The following SLC16A3 variants were observed in gnomAD, a reference collection of about 807,000 sequenced individuals.
SLC16A3 encodes the protein monocarboxylate transporter 4.
Under a neutral mutation model 25.0 loss-of-function variants are expected in SLC16A3, and 22 were observed. That is an observed-to-expected ratio of 0.88 (90% CI 0.63 to 1.26). The LOEUF (loss-of-function observed/expected upper bound fraction) is 1.26, where lower values mean the gene tolerates loss of function less well. SLC16A3 is among the 50% of genes most tolerant of loss of function. SLC16A3 has a pLI of 0.00. For synonymous variants in SLC16A3, 390 were observed against 309.2 expected (o/e 1.26, Z -2.74); for missense variants, 731 against 666.6 (o/e 1.10, Z -1.06).
Position 82,238,884 on chromosome 17 carries a change from T to C in SLC16A3, c.1306T>C (p.Ser436Pro), listed in dbSNP as rs758577159. The C allele has an allele frequency of 1.2e-6, 2 of 1,607,858 alleles. No homozygotes were observed. The highest frequency in any genetic ancestry group is 2.2e-5 in the South Asian group (2 of 90,450). ...EEKLHKPPAD[S>P]GVDLREVEHF... ...GAAGCTCCACAAGCCTCCTGCAGAC[T>C]CGGGGGTGGACTTGCGGGAGGTGGA... The change falls in exon 5 of 5, where the codon TCG (serine) becomes CCG (proline). Residue 436 changes from serine to proline, a missense_variant. By Grantham distance (74) the Ser-to-Pro change is moderately conservative (BLOSUM62 -1). Coordinates refer to ENST00000582743, the MANE Select transcript of SLC16A3 (RefSeq NM_004207.4).
chr17:82,221,052 C>G (rs906871851), intron 1 of SLC16A3, among the ~76,000 whole-genome samples: 4 of 151,906 alleles, frequency 2.6e-5, no homozygotes, highest in African/African-American at 9.7e-5. Flanking sequence ...CTCCTGGCCT[C>G]AAGTGATCTG....
chr17:82,227,100 A>C (rs2050427362), upstream of SLC16A3, among the ~76,000 whole-genome samples: 1 of 152,034 alleles, frequency 6.6e-6, no homozygotes, highest in Non-Finnish European at 1.5e-5. Flanking sequence ...GCCCACACCC[A>C]GGGGAAGCCA....
chr17:82,235,902 C>T lies in SLC16A3; in HGVS notation c.-26-81C>T. On this transcript the variant is annotated intron_variant, in intron 1 of 4. Transcript: ENST00000582743. ...GCCCCTCAGCTGAGCTGCCGGGCCA[C>T]CCAGCTCGTGTCCCTCCCCTGCCAG... The T allele has an allele frequency of 4.1e-6, 4 of 965,308 alleles. No homozygotes were observed. In the Admixed American group the frequency reaches 8.7e-5, roughly 21 times the overall value. 59.8% of individuals were successfully genotyped at this position (965,308 alleles called of 1,614,324 possible).
rs530479437 is a variant in SLC16A3 at position 82,232,918 on chromosome 17, C to CCGGGG, written c.-26-3065_-26-3064insCGGGG. Among the ~76,000 whole-genome samples, 98 of 47,240 alleles carry CCGGGG rather than the reference C, an allele frequency of 2.1e-3. 1 individual carries two copies. Among genetic ancestry groups the CCGGGG allele is most frequent in the African/African-American group, 6.0e-3 (84 of 13,912 alleles). The allele number at this position is 47,240 out of a possible 152,430, so 31.0% of individuals were successfully genotyped here. ...GGTTGGCATGCTTCCTGGGGGGCGG[C>CCGGGG]GGGGGGGGGGTTGGTAAATGTCAGG... On this transcript the variant is annotated intron_variant, in intron 1 of 4. Transcript: ENST00000582743.
In SLC16A3 at chr17:82,237,277, G is replaced by A; in HGVS notation, c.507G>A (p.Leu169=). 1 of 1,564,734 alleles carries A rather than the reference G, an allele frequency of 6.4e-7. No homozygotes were observed. Among genetic ancestry groups the A allele is most frequent in the Non-Finnish European group, 8.7e-7 (1 of 1,154,948 alleles). ...FLCALSPLGQ[L]LQDRYGWRGG... ...GTGCCCTGAGCCCGCTGGGGCAGCT[G>A]CTGCAGGACCGCTACGGCTGGCGGG... Residue 169 remains leucine (L), a synonymous_variant, in exon 4 of 5, where the codon CTG becomes CTA. Transcript: ENST00000582743.
upstream of SLC16A3, among the ~76,000 whole-genome samples, chr17:82,224,155 C>A (rs1428975119): frequency 4.3e-5 from 4 of 92,362 alleles, no homozygotes; most frequent in Non-Finnish European, 7.0e-5. Context: ...TGCAGACACA[C>A]CCCTACACCC....
chr17:82,225,254 C>A (rs961234655), upstream of SLC16A3, among the ~76,000 whole-genome samples: 1 of 151,938 alleles, frequency 6.6e-6, no homozygotes, highest in Non-Finnish European at 1.5e-5. Flanking sequence ...GAGTGAGACT[C>A]TGTCAAAAAA....
chr17:82,231,978 A>T (rs2050503713), intron 1 of SLC16A3: 1 of 152,246 alleles, frequency 6.6e-6, no homozygotes, highest in Non-Finnish European at 1.5e-5. Flanking sequence ...GGCTGCCGGG[A>T]GTTGCTCACT....
Position 82,236,047 on chromosome 17 carries a change from C to CG in SLC16A3, c.39_40insG (p.Lys14GlufsTer4). 1 of 1,612,696 alleles carries CG rather than the reference C, an allele frequency of 6.2e-7. No homozygotes were observed. Among genetic ancestry groups the CG allele is most frequent in the Non-Finnish European group, 8.5e-7 (1 of 1,179,820 alleles). On this transcript the variant is annotated frameshift_variant, in exon 2 of 5. Coordinates refer to ENST00000582743, the MANE Select transcript of SLC16A3 (RefSeq NM_004207.4). LOFTEE classifies it high-confidence loss of function. The stretch of plus-strand genomic sequence containing the variant: ...TGGTGGACGAGGGCCCCACAGGCGT[C>CG]AAGGCCCCTGACGGCGGCTGGGGCT...
At position 82,236,820 on chromosome 17, in the gene SLC16A3, G is replaced by A. The variant is rs775658584; in HGVS notation, c.315G>A (p.Ala105=). ...GLFASLGMVA[A]SFCRSIIQVY... ...TTGCGTCGCTGGGCATGGTGGCTGCGTCCTTTTGCCGGAGCATCATCCAGG... is the reference window on the plus strand; with the variant it reads ...TTGCGTCGCTGGGCATGGTGGCTGCATCCTTTTGCCGGAGCATCATCCAGG... The change falls in exon 3 of 5, where the codon GCG becomes GCA. Residue 105 remains alanine, a synonymous_variant. Coordinates refer to ENST00000582743, the MANE Select transcript of SLC16A3 (RefSeq NM_004207.4). The A allele has an allele frequency of 6.8e-6, 11 of 1,608,060 alleles. No individual in the cohort carries two copies. Among genetic ancestry groups the A allele is most frequent in the Admixed American group, 6.7e-5 (4 of 60,008 alleles).
At chr17:82,221,166 G>T (rs2050387050) in intron 1 of SLC16A3, among the ~76,000 whole-genome samples, 1 of 152,114 alleles carries the variant, frequency 6.6e-6, no homozygotes, top group Admixed American at 6.6e-5. Context: ...AAGAAACAAA[G>T]ATACAATTTT....
intron 2 of SLC16A3, 30 bp from the exon 3 acceptor site, chr17:82,236,699 C>G (rs889956019): frequency 2.5e-6 from 4 of 1,593,132 alleles, no homozygotes; most frequent in Non-Finnish European, 3.4e-6. Context: ...GGCTGCAGGC[C>G]CGGCCCCTCT....
At chr17:82,220,751 T>C (rs1156444190) in intron 1 of SLC16A3, among the ~76,000 whole-genome samples, 1 of 152,078 alleles carries the variant, frequency 6.6e-6, no homozygotes, top group Non-Finnish European at 1.5e-5. Flanking sequence ...GCAAAATAGA[T>C]CAACAAACAA....
intron 2 of SLC16A3, 140 bp from the exon 3 acceptor site, chr17:82,236,589 G>A (rs979294435): frequency 1.6e-6 from 2 of 1,272,200 alleles, no homozygotes; most frequent in African/African-American, 1.5e-5. Flanking sequence ...CGGGGAGCCT[G>A]CCCACGGGGT....
intron 2 of SLC16A3, 110 bp from the exon 3 acceptor site, chr17:82,236,619 G>C (rs1414600910): frequency 6.8e-7 from 1 of 1,469,480 alleles, no homozygotes. Flanking sequence ...GCCCCGCGGG[G>C]GGAGGGGTGG....
chr17:82,238,574 C>A lies in SLC16A3; in HGVS notation c.1124-128C>A, dbSNP rs114465737. On this transcript the variant is annotated intron_variant, in intron 4 of 4. Transcript: ENST00000582743. ...ATGGAGGGGAGAGAACACCTCCCAG[C>A]CCCACAAGCTCAGAGGCAGACAGGG... The A allele has an allele frequency of 2.4e-3, 2,272 of 927,688 alleles. 33 individuals carry two copies. The African/African-American group carries it at 0.034, about 14-fold the overall frequency. The allele number at this position is 927,688 out of a possible 1,614,324, so 57.5% of individuals were successfully genotyped here.
chr17:82,236,252 G>T, intron 2 of SLC16A3, 21 bp downstream of exon 2: 1 of 1,605,498 alleles, frequency 6.2e-7, no homozygotes, highest in Non-Finnish European at 8.5e-7. Context: ...CCTCACACCG[G>T]GCCCCCTGTC....
At chr17:82,236,397 G>C (rs117905529) in intron 2 of SLC16A3, 166 bp downstream of exon 2, 3 of 701,140 alleles carry the variant, frequency 4.3e-6, no homozygotes, top group Non-Finnish European at 7.1e-6. Flanking sequence ...TGCTCTCCAC[G>C]GGGCCAACCC....
rs201502138 is a variant in SLC16A3, at chr17:82,237,619, C to T, written c.849C>T (p.Phe283=). The change falls in exon 4 of 5, where the codon TTC becomes TTT. Residue 283 remains phenylalanine (F), a synonymous_variant. Coordinates refer to ENST00000582743, the MANE Select transcript of SLC16A3 (RefSeq NM_004207.4). ...TCTTCGCGCGGCCGGCCGCGGGCTT[C>T]GTGGCGGGGCTTGGGAAGGTGCGGC... The part of the protein sequence containing the change: ...IDIFARPAAG[F]VAGLGKVRPY... 47 of 1,612,770 alleles carry T rather than the reference C, an allele frequency of 2.9e-5. No individual in the cohort carries two copies. Among genetic ancestry groups the T allele is most frequent in the African/African-American group, 4.0e-5 (3 of 75,016 alleles).
Sources: gnomAD v4.1 joint callset for allele counts (sites outside exome capture counted in the v4.1 genomes callset) on GRCh38, gnomAD v4.1.1 for gene constraint, MANE v1.5 for transcripts, NCBI Gene and HGNC (gene_info 2026-07-23, HGNC 2026-07-21) for gene names.